Variants in ZNF765 observed in about 807,000 individuals in gnomAD.
ZNF765 encodes zinc finger protein 765.
Under a neutral mutation model 44.7 loss-of-function variants are expected in ZNF765, and 37 were observed. That is an observed-to-expected ratio of 0.83 (90% CI 0.64 to 1.09). The LOEUF (loss-of-function observed/expected upper bound fraction) is 1.09, where lower values mean the gene tolerates loss of function less well. Among genes scored for constraint, ZNF765 ranks in the 50% least tolerant of loss-of-function variants. The pLI is 0.00. For missense variants in ZNF765, 594 were observed against 626.1 expected (o/e 0.95, Z 0.55); for synonymous variants, 201 against 213.7 (o/e 0.94, Z 0.52).
At chr19:53,405,221 G>T (rs1259790529) in intron 3 of ZNF765, among the ~76,000 whole-genome samples, 1 of 152,014 alleles carries the variant, frequency 6.6e-6, no homozygotes. Flanking sequence ...GCGTGGTGGC[G>T]CAAGGCTGTT....
chr19:53,413,151 C>T (rs2085846460), downstream of ZNF765: 1 of 531,812 alleles, frequency 1.9e-6, no homozygotes, highest in Admixed American at 2.3e-5. Context: ...TTCTCTTCCT[C>T]TCTCCCCTTG....
At position 53,410,579 on chromosome 19, in the gene ZNF765, G is replaced by T; in HGVS notation, c.*1452G>T. 2.3e-6 allele frequency: 1 copy of T among 444,098 alleles called. No individual in the cohort carries two copies. Among genetic ancestry groups the T allele is most frequent in the South Asian group, 1.9e-5 (1 of 53,460 alleles). 27.5% of individuals were successfully genotyped at this position (444,098 alleles called of 1,614,324 possible). On this transcript the variant is annotated 3_prime_UTR_variant, in exon 4 of 4. Coordinates refer to ENST00000396408, the MANE Select transcript of ZNF765 (RefSeq NM_001040185.3). The stretch of plus-strand genomic sequence containing the variant: ...TACCATCAGGCAATCCATGGTGTAG[G>T]GAAACTTTACTTATGTAATGATTGT...
chr19:53,396,289 A>C (rs571029454), intron 1 of ZNF765, among the ~76,000 whole-genome samples: 16 of 152,218 alleles, frequency 1.1e-4, no homozygotes, highest in Admixed American at 1.0e-3. Context: ...GGGAGAGCAG[A>C]GGAGGCGCAG....
chr19:53,420,981 C>A (rs185261292), intron 3 of ZNF765, among the ~76,000 whole-genome samples: 3 of 152,196 alleles, frequency 2.0e-5, no homozygotes, highest in Non-Finnish European at 4.4e-5. Context: ...AAGAGGAAGG[C>A]CTCTTTGCAG....
intron 2 of ZNF765, among the ~76,000 whole-genome samples, chr19:53,400,828 T>C (rs2085718605): frequency 6.7e-6 from 1 of 148,258 alleles, no homozygotes; most frequent in South Asian, 2.2e-4. Flanking sequence ...GTAATCTAGT[T>C]TTCATATATT....
chr19:53,399,892 G>A (rs1332904624), intron 2 of ZNF765, among the ~76,000 whole-genome samples: 6 of 151,998 alleles, frequency 3.9e-5, no homozygotes, highest in African/African-American at 1.5e-4. Context: ...TCAACTCACT[G>A]CAACCTCTGC....
exon 4 of ZNF765, chr19:53,423,740 G>A (rs575165998): frequency 1.8e-3 from 330 of 188,296 alleles, no homozygotes; most frequent in African/African-American, 7.4e-3. Context: ...GGACATGTTT[G>A]TACAATGTTT....
At chr19:53,395,844 C>A (rs1456298481) in intron 1 of ZNF765, among the ~76,000 whole-genome samples, 1 of 152,134 alleles carries the variant, frequency 6.6e-6, no homozygotes, top group Non-Finnish European at 1.5e-5. Flanking sequence ...TGTGTCTTAT[C>A]CAAAGCCTCC....
Position 53,407,886 on chromosome 19 carries a change from G to T in ZNF765, c.331G>T (p.Ala111Ser), listed in dbSNP as rs1336516018. The change falls in exon 4 of 4, where the codon GCA (alanine) becomes TCA (serine). Residue 111 changes from alanine to serine, a missense_variant. Coordinates refer to ENST00000396408, the MANE Select transcript of ZNF765 (RefSeq NM_001040185.3). ...WQEDERNGHE[A>S]LMTKIKKLTG... ...AGAAGATGAAAGAAATGGCCATGAA[G>T]CACTCATGACAAAAATCAAAAAGTT... 8.7e-6 allele frequency: 14 copies of T among 1,613,694 alleles called. No individual in the cohort carries two copies. In the East Asian group the frequency reaches 3.1e-4, roughly 36 times the overall value.
chr19:53,410,341 A>G lies in ZNF765; in HGVS notation c.*1214A>G, dbSNP rs2085822289. 1 of 343,466 alleles carries G rather than the reference A, an allele frequency of 2.9e-6. No homozygotes were observed. Among genetic ancestry groups the G allele is most frequent in the East Asian group, 8.0e-5 (1 of 12,546 alleles). The allele number at this position is 343,466 out of a possible 1,614,324, so 21.3% of individuals were successfully genotyped here. On this transcript the variant is annotated 3_prime_UTR_variant, in exon 4 of 4. Transcript: ENST00000396408. ...TTCATACTGGAGAGAAAGCTTACAT[A>G]TGTGAAGAATGTCACCAAGTTTTCA...
chr19:53,409,131 G>A lies in ZNF765; in HGVS notation c.*4G>A. On this transcript the variant is annotated 3_prime_UTR_variant, in exon 4 of 4. Coordinates refer to ENST00000396408, the MANE Select transcript of ZNF765 (RefSeq NM_001040185.3). ...TGGAGAGAAACTACACGTGTAATGAGTGTGGTAAGACCTTCAATCAGGAGT... is the reference window on the plus strand; with the variant it reads ...TGGAGAGAAACTACACGTGTAATGAATGTGGTAAGACCTTCAATCAGGAGT... The A allele has an allele frequency of 6.2e-7, 1 of 1,609,140 alleles. No individual in the cohort carries two copies. The highest frequency in any genetic ancestry group is 8.5e-7 in the Non-Finnish European group (1 of 1,175,854).
chr19:53,414,505 C>T (rs1458571753), downstream of ZNF765, among the ~76,000 whole-genome samples: 1 of 49,974 alleles, frequency 2.0e-5, no homozygotes, highest in African/African-American at 8.5e-5. Flanking sequence ...CCCCCCCCCC[C>T]CCCCGGGGAA....
intron 3 of ZNF765, among the ~76,000 whole-genome samples, chr19:53,417,878 C>T (rs1314113695): frequency 6.6e-6 from 1 of 152,096 alleles, no homozygotes; most frequent in Non-Finnish European, 1.5e-5. Flanking sequence ...GGTGGAAAGA[C>T]TTCTCAGGGA....
At chr19:53,396,694 A>G (rs1437561412) in intron 1 of ZNF765, among the ~76,000 whole-genome samples, 4 of 152,216 alleles carry the variant, frequency 2.6e-5, no homozygotes, top group African/African-American at 9.6e-5. Flanking sequence ...TGAGCTTGCT[A>G]GGCAGAGGAA....
intron 1 of ZNF765, among the ~76,000 whole-genome samples, 184 bp from the exon 2 acceptor site, chr19:53,397,759 G>A (rs916755277): frequency 1.7e-4 from 26 of 152,086 alleles, no homozygotes; most frequent in African/African-American, 1.9e-4. Context: ...CTGCTGCAGC[G>A]TGTGTGTGGG....
chr19:53,404,619 ATG>A (rs72178377), intron 3 of ZNF765, among the ~76,000 whole-genome samples: 30 of 149,304 alleles, frequency 2.0e-4, no homozygotes, highest in Middle Eastern at 3.4e-3. Flanking sequence ...CACCTGGCTA[ATG>A]TGTGTGTGTG....
chr19:53,423,308 C>T (rs1040010046), exon 4 of ZNF765: 3 of 642,532 alleles, frequency 4.7e-6, no homozygotes, highest in Non-Finnish European at 8.6e-6. Flanking sequence ...CTGCTGATCA[C>T]GAGGGCACCA....
intron 3 of ZNF765, among the ~76,000 whole-genome samples, chr19:53,405,410 C>T (rs978473174): frequency 2.6e-5 from 4 of 152,102 alleles, no homozygotes; most frequent in African/African-American, 9.6e-5. Flanking sequence ...GACTCAGTCT[C>T]AAACACAAAC....
chr19:53,414,487 A>AC (rs1568786107), downstream of ZNF765, among the ~76,000 whole-genome samples: 47 of 1,854 alleles, frequency 0.025, 2 homozygotes, highest in Admixed American at 0.045. Context: ...ACACACACAC[A>AC]CACCCCCCCC....
Sources: allele counts gnomAD v4.1 joint callset (sites outside exome capture counted in the v4.1 genomes callset), GRCh38; gene constraint gnomAD v4.1.1; transcripts MANE v1.5; gene names NCBI Gene and HGNC (gene_info 2026-07-23, HGNC 2026-07-21).